Variants in GLG1 observed in about 807,000 individuals in gnomAD.
GLG1 encodes the protein Golgi apparatus protein 1.
A neutral mutation model predicts 160.5 loss-of-function variants in GLG1; 38 were observed. That is an observed-to-expected ratio of 0.24 (90% CI 0.18 to 0.31). The LOEUF (loss-of-function observed/expected upper bound fraction) is 0.31. Among genes scored for constraint, GLG1 ranks in the 10% least tolerant of loss-of-function variants. The pLI is 1.00. For missense variants in GLG1, 1,373 were observed against 1,505.2 expected (o/e 0.91, Z 1.45); for synonymous variants, 644 against 543.4 (o/e 1.19, Z -2.57).
At chr16:74,522,450 C>T (rs376897962) in intron 2 of GLG1, among the ~76,000 whole-genome samples, 91 of 152,308 alleles carry the variant, frequency 6.0e-4, no homozygotes, top group African/African-American at 2.1e-3. Context: ...TTCATTTTCA[C>T]GTCCCTGATT....
At chr16:74,540,056 TTTTA>T (rs1162983417) in intron 1 of GLG1, among the ~76,000 whole-genome samples, 2 of 1,896 alleles carry the variant, frequency 1.1e-3, no homozygotes, top group South Asian at 0.023. Context: ...ATTATATATA[TTTTA>T]TATATATATA....
At chr16:74,499,304 G>A (rs2016324049) in intron 4 of GLG1, among the ~76,000 whole-genome samples, 1 of 152,076 alleles carries the variant, frequency 6.6e-6, no homozygotes, top group African/African-American at 2.4e-5. Flanking sequence ...GCAGTGGAGG[G>A]ATCACAGCTC....
intron 19 of GLG1, among the ~76,000 whole-genome samples, chr16:74,464,581 G>T (rs1312152502): frequency 5.9e-5 from 9 of 152,192 alleles, no homozygotes; most frequent in Admixed American, 5.9e-4. Flanking sequence ...TCTAAAGAGT[G>T]TGATTATAAC....
chr16:74,542,710 GAAGA>G lies in GLG1; in HGVS notation c.439-10561_439-10558del, dbSNP rs1567513788. Among the ~76,000 whole-genome samples, 23 of 17,286 alleles carry G rather than the reference GAAGA, an allele frequency of 1.3e-3. 6 individuals are homozygous for G. Among genetic ancestry groups the G allele is most frequent in the Admixed American group, 4.2e-3 (5 of 1,188 alleles). 11.3% of individuals were successfully genotyped at this position (17,286 alleles called of 152,430 possible). A position where few individuals can be genotyped will look rare whatever the true frequency, so the allele number is the denominator to read the frequency against. ...GAAGGGAAGGAGGGAGGGAGGAAGG[GAAGA>G]AGGGAAGGAAGGAAGGAAGGGAGGA... is the stretch of plus-strand genomic sequence containing the variant. On this transcript the variant is annotated intron_variant, in intron 1 of 25. Coordinates refer to ENST00000422840, the MANE Select transcript of GLG1 (RefSeq NM_001145667.2).
intron 1 of GLG1, 145 bp downstream of exon 1, chr16:74,606,512 G>T: frequency 1.6e-6 from 1 of 616,202 alleles, no homozygotes; most frequent in Non-Finnish European, 2.7e-6. Flanking sequence ...AAAGCGCCTG[G>T]GAGTGAGGAG....
At position 74,480,319 on chromosome 16, in the gene GLG1, G is replaced by A. The variant is rs754201685; in HGVS notation, c.1749C>T (p.Thr583=). The change falls in exon 11 of 26, where the codon ACC becomes ACT. Residue 583 remains threonine, a synonymous_variant. Coordinates refer to ENST00000422840, the MANE Select transcript of GLG1 (RefSeq NM_001145667.2). Reference sequence around the variant, plus strand: ...CAGCTCCCTGAGGCATAAATTCACTGGTCTCATTCCAACCGTGGGTGTGGC... The same window carrying A: ...CAGCTCCCTGAGGCATAAATTCACTAGTCTCATTCCAACCGTGGGTGTGGC... The part of the protein sequence containing the change: ...RLCHTHGWNE[T]SEFMPQGAVF... 5 of 1,612,406 alleles carry A rather than the reference G, an allele frequency of 3.1e-6. No homozygotes were observed. Among genetic ancestry groups the A allele is most frequent in the African/African-American group, 1.3e-5 (1 of 74,890 alleles).
At chr16:74,480,454 G>T in intron 10 of GLG1, 60 bp from the exon 11 acceptor site, 1 of 1,308,856 alleles carries the variant, frequency 7.6e-7, no homozygotes, top group Non-Finnish European at 1.1e-6. Flanking sequence ...TCTAACACAG[G>T]CTCAGGGTTT....
chr16:74,496,869 T>C (rs908474123), intron 4 of GLG1, among the ~76,000 whole-genome samples: 2 of 152,182 alleles, frequency 1.3e-5, no homozygotes, highest in African/African-American at 4.8e-5. Flanking sequence ...TAGAATATAA[T>C]ACTTGCATGC....
intron 1 of GLG1, among the ~76,000 whole-genome samples, chr16:74,603,984 T>TAA (rs780147517): frequency 4.3e-5 from 6 of 138,458 alleles, no homozygotes; most frequent in African/African-American, 1.1e-4. Context: ...CCGAGAGCGT[T>TAA]AAAAAAAAAA....
intron 2 of GLG1, among the ~76,000 whole-genome samples, chr16:74,523,719 T>C (rs968549851): frequency 6.6e-6 from 1 of 151,980 alleles, no homozygotes; most frequent in African/African-American, 2.4e-5. Flanking sequence ...ATTTTTAATA[T>C]ATTTTTAAAA....
At chr16:74,543,697 A>T (rs1280331234) in intron 1 of GLG1, among the ~76,000 whole-genome samples, 1 of 152,180 alleles carries the variant, frequency 6.6e-6, no homozygotes, top group Non-Finnish European at 1.5e-5. Flanking sequence ...ATTAACAAAG[A>T]TGCAATCTAA....
intron 1 of GLG1, among the ~76,000 whole-genome samples, chr16:74,598,084 T>C (rs932069985): frequency 2.6e-5 from 4 of 152,090 alleles, no homozygotes; most frequent in Non-Finnish European, 5.9e-5. Flanking sequence ...TAAGATTAAA[T>C]GAGATAACGC....
Position 74,462,816 on chromosome 16 carries a change from C to T in GLG1, c.2792-186G>A, listed in dbSNP as rs750484949. 5 of 613,062 alleles carry T rather than the reference C, an allele frequency of 8.2e-6. No homozygotes were observed. The East Asian group carries it at 1.1e-4, about 14-fold the overall frequency. 38.0% of individuals were successfully genotyped at this position (613,062 alleles called of 1,614,324 possible). A position where few individuals can be genotyped will look rare whatever the true frequency, so the allele number is the denominator to read the frequency against. ...TTTAATCAGCAATATGACTTGTTAA[C>T]GAGTACTTCTGGAGGTCCTCAGGAA... On this transcript the variant is annotated intron_variant, in intron 20 of 25. Coordinates refer to ENST00000422840, the MANE Select transcript of GLG1 (RefSeq NM_001145667.2).
intron 1 of GLG1, among the ~76,000 whole-genome samples, chr16:74,574,415 AACTG>A (rs1035020999): frequency 1.3e-5 from 2 of 152,136 alleles, no homozygotes; most frequent in African/African-American, 4.8e-5. Flanking sequence ...CATTACTCAA[AACTG>A]ACTATGTTAA....
chr16:74,543,459 C>G (rs1276133325), intron 1 of GLG1, among the ~76,000 whole-genome samples: 1 of 152,182 alleles, frequency 6.6e-6, no homozygotes, highest in African/African-American at 2.4e-5. Context: ...GCCTGGACAA[C>G]ACAGTGAGAA....
intron 1 of GLG1, among the ~76,000 whole-genome samples, chr16:74,571,024 C>T (rs1431150735): frequency 6.6e-6 from 1 of 151,930 alleles, no homozygotes; most frequent in Non-Finnish European, 1.5e-5. Context: ...GCTACCTGAC[C>T]TGCTTTGGTC....
At chr16:74,569,619 T>C (rs963796426) in intron 1 of GLG1, among the ~76,000 whole-genome samples, 2 of 152,152 alleles carry the variant, frequency 1.3e-5, no homozygotes, top group African/African-American at 4.8e-5. Flanking sequence ...CCCAGCACTT[T>C]GGGAGGCCGA....
intron 1 of GLG1, among the ~76,000 whole-genome samples, chr16:74,564,225 G>C (rs2018588618): frequency 6.6e-6 from 1 of 152,204 alleles, no homozygotes; most frequent in African/African-American, 2.4e-5. Context: ...AGGCCTTGCT[G>C]ACACCTCTTG....
intron 10 of GLG1, 30 bp from the exon 11 acceptor site, chr16:74,480,424 C>G (rs760162285): frequency 6.5e-7 from 1 of 1,546,092 alleles, no homozygotes; most frequent in South Asian, 1.1e-5. Flanking sequence ...AAGATAACCA[C>G]TAATTAATAG....
Sources: gnomAD v4.1 joint callset for allele counts (sites outside exome capture counted in the v4.1 genomes callset) on GRCh38, gnomAD v4.1.1 for gene constraint, MANE v1.5 for transcripts, NCBI Gene and HGNC (gene_info 2026-07-23, HGNC 2026-07-21) for gene names.